The following CCAR1 variants were observed in gnomAD, a reference collection of about 807,000 sequenced individuals.
CCAR1 encodes cell division cycle and apoptosis regulator 1.
In CCAR1, 78 loss-of-function variants were observed where a neutral mutation model predicts 163.8. The observed-to-expected ratio is 0.48, with a 90% CI of 0.40 to 0.57. CCAR1 has a LOEUF of 0.57. Ranked by LOEUF, CCAR1 falls within the 20% of genes least tolerant of loss-of-function variation. CCAR1 has a pLI of 0.00. For synonymous variants in CCAR1, 443 were observed against 460.7 expected (o/e 0.96, Z 0.49); for missense variants, 1,019 against 1,365.2 (o/e 0.75, Z 4.00).
chr10:68,735,433 A>G (rs7099040), intron 2 of CCAR1, among the ~76,000 whole-genome samples: 5,840 of 139,696 alleles, frequency 0.042, 389 homozygotes, highest in African/African-American at 0.15. Flanking sequence ...AAAATCCCTC[A>G]TAGGATTATG....
intron 6 of CCAR1, 118 bp downstream of exon 6, chr10:68,742,687 C>G (rs1057310080): frequency 2.6e-6 from 2 of 782,414 alleles, no homozygotes; most frequent in Admixed American, 2.3e-5. Context: ...CTCAAGTCGA[C>G]TCACTGCAGC....
At chr10:68,725,447 A>G (rs1434721664) in intron 2 of CCAR1, among the ~76,000 whole-genome samples, 1 of 152,078 alleles carries the variant, frequency 6.6e-6, no homozygotes, top group African/African-American at 2.4e-5. Flanking sequence ...TTCAAAGTAA[A>G]TAGAAAATGT....
intron 11 of CCAR1, among the ~76,000 whole-genome samples, 189 bp from the exon 12 acceptor site, chr10:68,754,525 G>A (rs979237167): frequency 5.3e-5 from 8 of 152,194 alleles, no homozygotes; most frequent in Non-Finnish European, 8.8e-5. Context: ...TAGGCCTGGC[G>A]TGGTGGCTCA....
intron 19 of CCAR1, among the ~76,000 whole-genome samples, chr10:68,775,682 C>CTTT (rs2056656899): frequency 4.2e-5 from 2 of 47,606 alleles, no homozygotes; most frequent in African/African-American, 1.8e-4. Flanking sequence ...GCTAATTTTT[C>CTTT]TTTTCTTTTT....
intron 2 of CCAR1, among the ~76,000 whole-genome samples, chr10:68,723,726 T>G (rs908690382): frequency 6.6e-6 from 1 of 151,574 alleles, no homozygotes; most frequent in African/African-American, 2.4e-5. Context: ...CAGGCACCTG[T>G]AGTCCCAGTT....
intron 15 of CCAR1, 94 bp downstream of exon 15, chr10:68,757,471 G>A: frequency 1.5e-6 from 1 of 669,120 alleles, no homozygotes; most frequent in Non-Finnish European, 2.6e-6. Flanking sequence ...CTGGAGTGTA[G>A]TGGCGCGATC....
At position 68,737,946 on chromosome 10, in the gene CCAR1, G is replaced by T. The variant is rs569099614; in HGVS notation, c.291+57G>T. Reference sequence around the variant, plus strand: ...TTTTAAAATAGCCATTTGCTCCAAAGTTCAATTGATAGAGAGTTTTATTTC... The same window carrying T: ...TTTTAAAATAGCCATTTGCTCCAAATTTCAATTGATAGAGAGTTTTATTTC... On this transcript the variant is annotated intron_variant, in intron 4 of 24. Transcript: ENST00000265872. 11 of 1,153,026 alleles carry T rather than the reference G, an allele frequency of 9.5e-6. No homozygotes were observed. The South Asian group carries it at 1.5e-4, about 16-fold the overall frequency. The allele number at this position is 1,153,026 out of a possible 1,614,324, so 71.4% of individuals were successfully genotyped here. A position where few individuals can be genotyped will look rare whatever the true frequency, so the allele number is the denominator to read the frequency against.
At chr10:68,788,100 A>T in intron 22 of CCAR1, 43 bp from the exon 23 acceptor site, 1 of 1,524,796 alleles carries the variant, frequency 6.6e-7, no homozygotes, top group Non-Finnish European at 8.8e-7. Flanking sequence ...GTAATTAAAG[A>T]AGAAAAATAA....
intron 6 of CCAR1, among the ~76,000 whole-genome samples, chr10:68,745,568 A>G (rs772317723): frequency 6.6e-6 from 1 of 151,682 alleles, no homozygotes; most frequent in East Asian, 2.0e-4. Context: ...GGTTCAAACA[A>G]TTCTCCTGCC....
rs557676953 is a variant in CCAR1 at position 68,758,921 on chromosome 10, C to G, written c.1920+1544C>G. On this transcript the variant is annotated intron_variant, in intron 15 of 24. Transcript: ENST00000265872. The stretch of plus-strand genomic sequence containing the variant: ...TCCTGACCTCAATTGATCCACCCAC[C>G]TCAGCCTCCCAAAGTGCTGGGATTA... Among the ~76,000 whole-genome samples the G allele has an allele frequency of 7.1e-4, 108 of 152,178 alleles. 1 individual carries two copies. The highest frequency in any genetic ancestry group is 2.5e-3 in the African/African-American group (105 of 41,536).
Position 68,727,887 on chromosome 10 carries a change from G to A in CCAR1, c.73+5310G>A, listed in dbSNP as rs567044104. 2.3e-3 allele frequency among the ~76,000 whole-genome samples: 348 copies of A among 152,230 alleles called. 1 individual carries two copies. Among genetic ancestry groups the A allele is most frequent in the Non-Finnish European group, 4.0e-3 (271 of 68,016 alleles). On this transcript the variant is annotated intron_variant, in intron 2 of 24. Coordinates refer to ENST00000265872, the MANE Select transcript of CCAR1 (RefSeq NM_018237.4). ...GAGTCTGTCTCACTCTGCCTAGGCT[G>A]GAGTTCAGTGGCATGATCTCAGCTC...
Position 68,749,572 on chromosome 10 carries a change from G to A in CCAR1, c.1005G>A (p.Gln335=). Residue 335 remains glutamine (Q), a synonymous_variant, in exon 10 of 25, where the codon CAG becomes CAA. Coordinates refer to ENST00000265872, the MANE Select transcript of CCAR1 (RefSeq NM_018237.4). ...ERRRSRERSP[Q]RKRSRERSPR... is the part of the protein sequence containing the mutation. The stretch of plus-strand genomic sequence containing the variant: ...GTAGATCGAGAGAAAGATCACCTCA[G>A]AGGAAACGTTCCCGGGAAAGATCTC... 1 of 1,613,998 alleles carries A rather than the reference G, an allele frequency of 6.2e-7. No homozygotes were observed. The highest frequency in any genetic ancestry group is 8.5e-7 in the Non-Finnish European group (1 of 1,179,954).
intron 15 of CCAR1, among the ~76,000 whole-genome samples, chr10:68,759,686 A>G (rs1468879474): frequency 1.3e-5 from 2 of 151,940 alleles, no homozygotes; most frequent in African/African-American, 2.4e-5. Context: ...GTGAGCTGTG[A>G]GCCATGAGCC....
At chr10:68,788,520 C>T (rs991768170) in intron 23 of CCAR1, among the ~76,000 whole-genome samples, 192 bp downstream of exon 23, 3 of 152,182 alleles carry the variant, frequency 2.0e-5, no homozygotes, top group Non-Finnish European at 4.4e-5. Flanking sequence ...GGGTCTCACT[C>T]CGTTACCCAA....
intron 5 of CCAR1, 115 bp downstream of exon 5, chr10:68,740,776 A>C (rs907037390): frequency 3.0e-5 from 23 of 755,290 alleles, no homozygotes; most frequent in Non-Finnish European, 4.1e-5. Flanking sequence ...TCACCTAATA[A>C]TTTAGGAATA....
rs919531127 is a variant in CCAR1 at position 68,786,431 on chromosome 10, A to T, written c.2734-115A>T. ...AGATAAACTCATTTTAGCTAGGATG[A>T]GGCAAATATCTTATTAGATTATTGC... is the stretch of plus-strand genomic sequence containing the variant. On this transcript the variant is annotated intron_variant, in intron 20 of 24. Transcript: ENST00000265872. 9 of 772,564 alleles carry T rather than the reference A, an allele frequency of 1.2e-5. No homozygotes were observed. In the African/African-American group the frequency reaches 1.4e-4, roughly 12 times the overall value. The allele number at this position is 772,564 out of a possible 1,614,324, so 47.9% of individuals were successfully genotyped here.
At position 68,742,501 on chromosome 10, in the gene CCAR1, C is replaced by T. The variant is rs1589160920; in HGVS notation, c.450C>T (p.Phe150=). ...QQTQPQKQRV[F]TGVVTKLHDT... is the part of the protein sequence containing the mutation. ...CCCAGCCTCAGAAGCAGCGTGTTTT[C>T]ACAGGGGTGGTTACAAAACTACATG... is the stretch of plus-strand genomic sequence containing the variant. The change falls in exon 6 of 25, where the codon TTC becomes TTT. Residue 150 remains phenylalanine, a synonymous_variant. Transcript: ENST00000265872. 1 of 1,614,126 alleles carries T rather than the reference C, an allele frequency of 6.2e-7. No homozygotes were observed. The highest frequency in any genetic ancestry group is 1.7e-5 in the Admixed American group (1 of 60,014).
At chr10:68,738,272 G>T (rs1404073531) in intron 4 of CCAR1, among the ~76,000 whole-genome samples, 1 of 152,032 alleles carries the variant, frequency 6.6e-6, no homozygotes, top group Non-Finnish European at 1.5e-5. Flanking sequence ...AAATTAGCCG[G>T]GTGTGGTGGC....
chr10:68,737,243 G>T (rs2056123282), intron 3 of CCAR1, among the ~76,000 whole-genome samples, 195 bp downstream of exon 3: 1 of 152,114 alleles, frequency 6.6e-6, no homozygotes, highest in Admixed American at 6.6e-5. Context: ...GGTGGCTCAT[G>T]CCTGTAATGC....
Sources: allele counts gnomAD v4.1 joint callset (sites outside exome capture counted in the v4.1 genomes callset), GRCh38; gene constraint gnomAD v4.1.1; transcripts MANE v1.5; gene names NCBI Gene and HGNC (gene_info 2026-07-23, HGNC 2026-07-21).